Variants in OR2A7 observed in about 807,000 individuals in gnomAD.
OR2A7 encodes the protein olfactory receptor family 2 subfamily A member 7.
For missense variants in OR2A7, 35 were observed against 359.2 expected (o/e 0.10, Z 7.30); for synonymous variants, 10 against 147.1 (o/e 0.07, Z 6.74).
At chr7:144,260,376 C>A (rs1378785660) in intron 1 of OR2A7, among the ~76,000 whole-genome samples, 1 of 151,120 alleles carries the variant, frequency 6.6e-6, no homozygotes, top group African/African-American at 2.4e-5. Context: ...TTTCCTTGGT[C>A]GTATTATTCA....
chr7:144,260,064 A>G (rs1615216), intron 1 of OR2A7, among the ~76,000 whole-genome samples: 22 of 120,982 alleles, frequency 1.8e-4, no homozygotes, highest in South Asian at 3.3e-4. Context: ...AGCCGAGATC[A>G]CAACACTGCA....
intron 1 of OR2A7, among the ~76,000 whole-genome samples, chr7:144,262,705 C>CTT (rs879312078): frequency 2.7e-4 from 25 of 92,612 alleles, no homozygotes; most frequent in Middle Eastern, 5.4e-3. Context: ...TGAAAATTTT[C>CTT]TTTTTTTTTT....
intron 1 of OR2A7, among the ~76,000 whole-genome samples, chr7:144,262,215 G>C (rs1484879204): frequency 6.6e-6 from 1 of 151,532 alleles, no homozygotes; most frequent in African/African-American, 2.4e-5. Context: ...GGAAGCCACA[G>C]TGATAAAGAG....
rs1371475501 is a variant in OR2A7 at position 144,257,922 on chromosome 7, TGAA to T, written c.*771_*773del. On this transcript the variant is annotated 3_prime_UTR_variant, in exon 2 of 2. Coordinates refer to ENST00000641841, the MANE Select transcript of OR2A7 (RefSeq NM_001005328.2). Reference sequence around the variant, plus strand: ...CTATAGCAGGAATGCCGATCCATGATGAAGGACAGGATTGCATTTATTTTCTTT... The same window carrying T: ...CTATAGCAGGAATGCCGATCCATGATGGACAGGATTGCATTTATTTTCTTT... The T allele has an allele frequency of 4.2e-5, 6 of 141,256 alleles. No individual in the cohort carries two copies. The highest frequency in any genetic ancestry group is 7.7e-5 in the Non-Finnish European group (5 of 64,952). 8.8% of individuals were successfully genotyped at this position (141,256 alleles called of 1,614,324 possible).
chr7:144,261,222 T>C (rs1288144788), intron 1 of OR2A7, among the ~76,000 whole-genome samples: 1 of 151,740 alleles, frequency 6.6e-6, no homozygotes, highest in African/African-American at 2.4e-5. Context: ...ATCTAAACTT[T>C]GAGCTCCTAA....
intron 1 of OR2A7, among the ~76,000 whole-genome samples, chr7:144,260,629 A>AGAC (rs1033796944): frequency 2.0e-5 from 3 of 151,974 alleles, no homozygotes; most frequent in African/African-American, 7.2e-5. Flanking sequence ...CCAAGTGTAA[A>AGAC]GACTTATTTT....
At chr7:144,259,801 A>G (rs1425710704) in intron 1 of OR2A7, 169 bp from the exon 2 acceptor site, 1 of 433,340 alleles carries the variant, frequency 2.3e-6, no homozygotes, top group African/African-American at 2.3e-5. Flanking sequence ...GTAACGCTAA[A>G]ATAAATGTTT....
chr7:144,261,945 T>C (rs1049660275), intron 1 of OR2A7, among the ~76,000 whole-genome samples: 11 of 152,054 alleles, frequency 7.2e-5, no homozygotes, highest in African/African-American at 2.7e-4. Flanking sequence ...CTGAGTTTAC[T>C]GATGGTGCTG....
intron 1 of OR2A7, among the ~76,000 whole-genome samples, chr7:144,260,783 A>C (rs1219467093): frequency 7.3e-5 from 11 of 151,554 alleles, no homozygotes; most frequent in African/African-American, 2.4e-4. Flanking sequence ...TGGGCTTACT[A>C]TTGATAAACA....
Position 144,257,667 on chromosome 7 carries a change from C to CATGGCAT in OR2A7, c.*1022_*1028dup, listed in dbSNP as rs1260804111. 7.5e-6 allele frequency: 1 copy of CATGGCAT among 133,132 alleles called. No individual in the cohort carries two copies. The highest frequency in any genetic ancestry group is 1.6e-5 in the Non-Finnish European group (1 of 62,604). The allele number at this position is 133,132 out of a possible 1,614,324, so 8.2% of individuals were successfully genotyped here. On this transcript the variant is annotated 3_prime_UTR_variant, in exon 2 of 2. Transcript: ENST00000641841. ...CATCATCTCAAAATGACATGTTTCC[C>CATGGCAT]ATGGCATAAGAAGCTGCTACAACTT... is the stretch of plus-strand genomic sequence containing the variant.
rs572426680 is a variant in OR2A7, at chr7:144,260,383, T to C, written c.-4-751A>G. 1.7e-4 allele frequency among the ~76,000 whole-genome samples: 25 copies of C among 151,456 alleles called. 1 individual carries two copies. The South Asian group carries it at 4.6e-3, about 28-fold the overall frequency. ...ATTCTTCTTTTCCTTGGTCGTATTA[T>C]TCAGAGTTTTTCTCTGCTATGTTTC... On this transcript the variant is annotated intron_variant, in intron 1 of 1. Coordinates refer to ENST00000641841, the MANE Select transcript of OR2A7 (RefSeq NM_001005328.2).
intron 1 of OR2A7, among the ~76,000 whole-genome samples, chr7:144,260,137 G>A (rs1635866): frequency 0.7 from 87,060 of 123,996 alleles, 29,191 homozygotes; most frequent in East Asian, 0.87. Flanking sequence ...AAAAGAAAAG[G>A]AAAAAAAACG....
intron 1 of OR2A7, among the ~76,000 whole-genome samples, chr7:144,260,111 G>GAAAAAAA (rs1162605720): frequency 4.1e-4 from 36 of 87,616 alleles, no homozygotes; most frequent in South Asian, 8.6e-4. Flanking sequence ...TCTGTCTCCA[G>GAAAAAAA]AAAAAAAAAA....
In OR2A7 at chr7:144,259,639, C is replaced by T. The variant is rs2052615831; in HGVS notation, c.-4-7G>A. The stretch of plus-strand genomic sequence containing the variant: ...TATATTGTCCCCCATATCCCTATGA[C>T]AGAGGAAATCAAGTTAATGCTCATG... On this transcript the variant is annotated splice_polypyrimidine_tract_variant and splice_region_variant and intron_variant, in intron 1 of 1. Coordinates refer to ENST00000641841, the MANE Select transcript of OR2A7 (RefSeq NM_001005328.2). 6.2e-7 allele frequency: 1 copy of T among 1,610,670 alleles called. No homozygotes were observed. Among genetic ancestry groups the T allele is most frequent in the Admixed American group, 1.7e-5 (1 of 59,150 alleles).
intron 1 of OR2A7, among the ~76,000 whole-genome samples, chr7:144,264,320 T>C (rs1476847506): frequency 6.6e-6 from 1 of 151,102 alleles, no homozygotes; most frequent in Non-Finnish European, 1.5e-5. Context: ...AGTGCAGTGG[T>C]GCAATCTCAG....
intron 1 of OR2A7, among the ~76,000 whole-genome samples, chr7:144,260,201 G>C (rs574823782): frequency 7.1e-6 from 1 of 141,322 alleles, no homozygotes; most frequent in South Asian, 2.4e-4. Context: ...TTTAATAAAG[G>C]CTAAAATTTA....
At chr7:144,260,447 T>C (rs1309823817) in intron 1 of OR2A7, among the ~76,000 whole-genome samples, 6 of 151,404 alleles carry the variant, frequency 4.0e-5, no homozygotes, top group African/African-American at 1.5e-4. Flanking sequence ...TGTCAAAGTC[T>C]TAAAACCACA....
chr7:144,261,981 T>C (rs1208214491), intron 1 of OR2A7, among the ~76,000 whole-genome samples: 2 of 151,890 alleles, frequency 1.3e-5, no homozygotes, highest in Non-Finnish European at 2.9e-5. Context: ...ATCTGAGAAA[T>C]GCCAAGGAAG....
chr7:144,264,257 A>G (rs1172296289), intron 1 of OR2A7, among the ~76,000 whole-genome samples: 4 of 151,812 alleles, frequency 2.6e-5, no homozygotes, highest in Non-Finnish European at 5.9e-5. Context: ...TTTTGTCATT[A>G]TTTTATTTTA....
Sources: allele counts gnomAD v4.1 joint callset (sites outside exome capture counted in the v4.1 genomes callset), GRCh38; gene constraint gnomAD v4.1.1; transcripts MANE v1.5; gene names NCBI Gene and HGNC (gene_info 2026-07-23, HGNC 2026-07-21).